GHR: variants seen among roughly 807,000 people sequenced by gnomAD.
GHR encodes GH receptor.
A neutral mutation model predicts 67.1 loss-of-function variants in GHR; 35 were observed. The ratio of observed to expected loss-of-function variants is 0.52; its 90% CI spans 0.40 to 0.69. GHR has a LOEUF of 0.69. Among genes scored for constraint, GHR ranks in the 30% least tolerant of loss-of-function variants. The pLI is 0.00. For synonymous variants in GHR, 272 were observed against 269.1 expected, an observed-to-expected ratio of 1.01 and a Z score of -0.10; for missense variants, 792 against 764.6, an observed-to-expected ratio of 1.04 and a Z score of -0.42.
intron 1 of GHR, among the ~76,000 whole-genome samples, chr5:42,449,825 G>A (rs1423898744): frequency 6.6e-6 from 1 of 152,094 alleles, no homozygotes; most frequent in Non-Finnish European, 1.5e-5. Flanking sequence ...TTTGTTGAGG[G>A]TTTTTATCAT....
chr5:42,535,214 G>T (rs374198425), intron 1 of GHR, among the ~76,000 whole-genome samples: 1 of 152,038 alleles, frequency 6.6e-6, no homozygotes, highest in East Asian at 1.9e-4. Flanking sequence ...TGCGTTCTTG[G>T]TCATGAAATC....
intron 3 of GHR, among the ~76,000 whole-genome samples, chr5:42,671,904 C>T (rs1336421254): frequency 5.6e-5 from 8 of 142,314 alleles, no homozygotes; most frequent in Non-Finnish European, 1.2e-4. Context: ...TGCAGTGAGC[C>T]GAGATCCCGC....
rs1164878584 is a variant in GHR, at chr5:42,675,341, AG to A, written c.137-13548del. ...ATATCCCCCTCTCTATCCAGAGAAA[AG>A]ATCACTGACAGAATAGTGTCCCCAC... On this transcript the variant is annotated intron_variant, in intron 3 of 9. Coordinates refer to ENST00000230882, the MANE Select transcript of GHR (RefSeq NM_000163.5). Among the ~76,000 whole-genome samples the A allele has an allele frequency of 2.0e-5, 3 of 152,176 alleles. No individual in the cohort carries two copies. The East Asian group carries it at 5.8e-4, about 29-fold the overall frequency.
At chr5:42,508,862 C>CCGCG (rs1360452406) in intron 1 of GHR, among the ~76,000 whole-genome samples, 3 of 152,202 alleles carry the variant, frequency 2.0e-5, no homozygotes, top group African/African-American at 7.2e-5. Context: ...GCGTGAGCCA[C>CCGCG]CGCGCCCAAC....
At chr5:42,454,090 A>G (rs1042491940) in intron 1 of GHR, among the ~76,000 whole-genome samples, 4 of 152,158 alleles carry the variant, frequency 2.6e-5, no homozygotes, top group Non-Finnish European at 4.4e-5. Context: ...CACCCAATGG[A>G]GTTACCAGGC....
At position 42,663,395 on chromosome 5, in the gene GHR, C is replaced by T. The variant is rs564337797; in HGVS notation, c.137-25495C>T. 1.7e-3 allele frequency among the ~76,000 whole-genome samples: 252 copies of T among 152,292 alleles called. 1 individual carries two copies. The highest frequency in any genetic ancestry group is 6.8e-3 in the Middle Eastern group (2 of 294). On this transcript the variant is annotated intron_variant, in intron 3 of 9. Coordinates refer to ENST00000230882, the MANE Select transcript of GHR (RefSeq NM_000163.5). ...GCAGCACATCAAAAAGCTTATCCAC[C>T]ATGATCAAGTGGGCTTCATCCCTGG...
At chr5:42,700,323 A>C (rs1229984317) in intron 6 of GHR, among the ~76,000 whole-genome samples, 2 of 152,168 alleles carry the variant, frequency 1.3e-5, no homozygotes, top group African/African-American at 4.8e-5. Flanking sequence ...TAAAAATGGG[A>C]AAGTTTGTGA....
At chr5:42,658,764 T>C (rs1332418029) in intron 3 of GHR, among the ~76,000 whole-genome samples, 2 of 152,154 alleles carry the variant, frequency 1.3e-5, no homozygotes, top group Non-Finnish European at 2.9e-5. Flanking sequence ...AAGCATTCTC[T>C]AATGCACAGG....
At chr5:42,716,905 C>T (rs991909823) in intron 8 of GHR, among the ~76,000 whole-genome samples, 13 of 152,280 alleles carry the variant, frequency 8.5e-5, no homozygotes, top group African/African-American at 3.1e-4. Context: ...GTTACCACCT[C>T]TTCATGACAG....
intron 1 of GHR, among the ~76,000 whole-genome samples, chr5:42,558,166 A>G (rs1749414371): frequency 1.3e-5 from 2 of 152,312 alleles, no homozygotes; most frequent in South Asian, 4.1e-4. Context: ...AGGTAAACAA[A>G]TGCACACTGA....
At chr5:42,643,392 C>A (rs575700998) in intron 3 of GHR, among the ~76,000 whole-genome samples, 1 of 152,242 alleles carries the variant, frequency 6.6e-6, no homozygotes, top group African/African-American at 2.4e-5. Flanking sequence ...CAAGGGATTA[C>A]CTGTTAACTA....
chr5:42,460,159 G>T (rs1307060709), intron 1 of GHR, among the ~76,000 whole-genome samples: 1 of 152,162 alleles, frequency 6.6e-6, no homozygotes, highest in East Asian at 1.9e-4. Context: ...CCATCTGCAA[G>T]CTCAGAAGAG....
intron 3 of GHR, among the ~76,000 whole-genome samples, chr5:42,634,666 A>G (rs188713463): frequency 3.1e-4 from 47 of 152,288 alleles, no homozygotes; most frequent in African/African-American, 1.1e-3. Flanking sequence ...GATATAGAGG[A>G]GGAGAATTTT....
At chr5:42,474,283 GAA>G (rs766149941) in intron 1 of GHR, among the ~76,000 whole-genome samples, 114 of 88,014 alleles carry the variant, frequency 1.3e-3, no homozygotes, top group Admixed American at 3.3e-3. Flanking sequence ...AAGAAAGAAA[GAA>G]AAAGAGAAAG....
Position 42,694,991 on chromosome 5 carries a change from T to G in GHR, c.341T>G (p.Phe114Cys). The G allele has an allele frequency of 1.2e-6, 2 of 1,611,098 alleles. No homozygotes were observed. Among genetic ancestry groups the G allele is most frequent in the Non-Finnish European group, 1.7e-6 (2 of 1,177,376 alleles). Residue 114 changes from phenylalanine to cysteine, a missense_variant, in exon 5 of 10, where the codon TTT becomes TGT. Physicochemically the swap from Phe to Cys is radical, Grantham distance 205. Coordinates refer to ENST00000230882, the MANE Select transcript of GHR (RefSeq NM_000163.5). ...YVSAGENSCY[F>C]NSSFTSIWIP... is the part of the protein sequence containing the mutation. ...TCTGCTGGGGAAAACAGCTGTTACT[T>G]TAATTCATCGTTTACCTCCATCTGG...
intron 3 of GHR, among the ~76,000 whole-genome samples, chr5:42,673,763 G>A (rs1756433412): frequency 6.6e-6 from 1 of 152,078 alleles, no homozygotes; most frequent in South Asian, 2.1e-4. Flanking sequence ...AGAAACTGGG[G>A]ACTAACAGAG....
chr5:42,648,405 C>T (rs931401665), intron 3 of GHR, among the ~76,000 whole-genome samples: 13 of 152,150 alleles, frequency 8.5e-5, no homozygotes, highest in African/African-American at 2.9e-4. Context: ...GTACAAAGAG[C>T]ATGTGAACGC....
chr5:42,590,665 G>T (rs182884962), intron 2 of GHR, among the ~76,000 whole-genome samples: 143 of 152,330 alleles, frequency 9.4e-4, no homozygotes, highest in Middle Eastern at 3.4e-3. Context: ...CTTAAACTCT[G>T]CTGTGAGAAA....
At chr5:42,614,702 G>T (rs1753058540) in intron 2 of GHR, among the ~76,000 whole-genome samples, 2 of 150,566 alleles carry the variant, frequency 1.3e-5, no homozygotes, top group Admixed American at 1.3e-4. Flanking sequence ...AGAATGGAAG[G>T]TTAACATTAG....
Sources: gnomAD v4.1 joint callset for allele counts (sites outside exome capture counted in the v4.1 genomes callset) on GRCh38, gnomAD v4.1.1 for gene constraint, MANE v1.5 for transcripts, NCBI Gene and HGNC (gene_info 2026-07-23, HGNC 2026-07-21) for gene names.